Variants in EXD3 observed in about 807,000 individuals in gnomAD.
EXD3 encodes exonuclease 3'-5' domain containing 3.
EXD3 carries 92 observed loss-of-function variants against 98.0 expected under a neutral mutation model. That is an observed-to-expected ratio of 0.94 (90% CI 0.79 to 1.12). The LOEUF (loss-of-function observed/expected upper bound fraction) is 1.12. Ranked by LOEUF, EXD3 falls within the 50% of genes most tolerant of loss-of-function variation. The pLI, the probability that EXD3 is intolerant of heterozygous loss-of-function variation, is 0.00. For missense variants in EXD3, 1,222 were observed against 1,191.6 expected, an observed-to-expected ratio of 1.03 and a Z score of -0.38; for synonymous variants, 569 against 526.0, an observed-to-expected ratio of 1.08 and a Z score of -1.12.
At chr9:137,352,526 C>T in intron 11 of EXD3, 94 bp downstream of exon 11, 1 of 1,228,732 alleles carries the variant, frequency 8.1e-7, no homozygotes. Context: ...ATTCTCAAGC[C>T]ACTGGCGTGA....
intron 19 of EXD3, among the ~76,000 whole-genome samples, 179 bp downstream of exon 19, chr9:137,323,546 C>T (rs1393620532): frequency 9.5e-6 from 1 of 104,920 alleles, no homozygotes; most frequent in African/African-American, 5.2e-5. Flanking sequence ...TCTGCCGACA[C>T]CTCACCCCGG....
intron 19 of EXD3, among the ~76,000 whole-genome samples, chr9:137,320,388 G>A (rs1471649296): frequency 6.6e-6 from 1 of 152,186 alleles, no homozygotes; most frequent in African/African-American, 2.4e-5. Flanking sequence ...GACAGCTGGC[G>A]CTGCCCTCTC....
chr9:137,334,480 A>C (rs1184052908), intron 17 of EXD3, among the ~76,000 whole-genome samples: 1 of 152,204 alleles, frequency 6.6e-6, no homozygotes, highest in East Asian at 1.9e-4. Flanking sequence ...CATCCGTTGG[A>C]GAAAAAGACA....
chr9:137,332,565 CA>C (rs1833127509), intron 17 of EXD3, among the ~76,000 whole-genome samples: 2 of 146,236 alleles, frequency 1.4e-5, no homozygotes, highest in African/African-American at 2.6e-5. Context: ...TGGTATTGGC[CA>C]GGCGCAGTGG....
intron 17 of EXD3, chr9:137,345,838 C>T (rs1190540647): frequency 2.0e-5 from 3 of 151,998 alleles, no homozygotes; most frequent in Non-Finnish European, 2.9e-5. Context: ...ATGTGAACAC[C>T]TGTCTAGAAC....
intron 1 of EXD3, among the ~76,000 whole-genome samples, chr9:137,404,760 T>A: frequency 6.6e-6 from 1 of 151,808 alleles, no homozygotes; most frequent in Admixed American, 6.6e-5. Context: ...CTTGGGAGGC[T>A]GAGGCAGGAG....
chr9:137,353,613 C>T (rs1179193577), intron 10 of EXD3: 2 of 985,904 alleles, frequency 2.0e-6, no homozygotes, highest in African/African-American at 3.5e-5. Flanking sequence ...GCCACCGTGG[C>T]AGCGCCCAGC....
rs751756309 is a variant in EXD3 at position 137,354,386 on chromosome 9, G to A, written c.832-9C>T. On this transcript the variant is annotated splice_polypyrimidine_tract_variant and intron_variant, in intron 9 of 21. Transcript: ENST00000340951. ...TCCTGTGACAGGCTCTTCTGCAAAG[G>A]CAAACAGGAAGGGGCGGTTGCCAGG... is the stretch of plus-strand genomic sequence containing the variant. 13 of 1,612,294 alleles carry A rather than the reference G, an allele frequency of 8.1e-6. No homozygotes were observed. In the East Asian group the frequency reaches 8.9e-5, roughly 11 times the overall value.
chr9:137,422,050 C>T (rs946698732), intron 1 of EXD3, among the ~76,000 whole-genome samples: 1 of 148,686 alleles, frequency 6.7e-6, no homozygotes, highest in Non-Finnish European at 1.5e-5. Context: ...AAATTAATGA[C>T]TTCACTGAGA....
chr9:137,354,773 G>A lies in EXD3; in HGVS notation c.758C>T (p.Ala253Val), dbSNP rs751957112. Residue 253 changes from alanine (A) to valine (V), a missense_variant and splice_region_variant, in exon 9 of 22, where the codon GCG becomes GTG. Transcript: ENST00000340951. ...CTGAATGGCCGCGTTGGGACACAGC[G>A]CTGAAAGGAAAGGCCAGCTCAGCAC... ...RLQERYGVAP[A>V]LCPNAAIQQR... 2.2e-5 allele frequency: 35 copies of A among 1,608,856 alleles called. No individual in the cohort carries two copies. The highest frequency in any genetic ancestry group is 1.2e-4 in the Admixed American group (7 of 59,862).
chr9:137,408,341 G>A (rs939761726), intron 1 of EXD3, among the ~76,000 whole-genome samples: 3 of 151,974 alleles, frequency 2.0e-5, no homozygotes, highest in South Asian at 2.1e-4. Context: ...GAGGTCAGGA[G>A]ATCGAGACCA....
chr9:137,383,522 T>G, intron 2 of EXD3, 145 bp from the exon 3 acceptor site: 1 of 595,584 alleles, frequency 1.7e-6, no homozygotes, highest in Non-Finnish European at 3.0e-6. Flanking sequence ...CACCTCTGTC[T>G]GGCACACACA....
rs1833997600 is a variant in EXD3 at position 137,347,526 on chromosome 9, C to G, written c.1998+545G>C. On this transcript the variant is annotated intron_variant, in intron 17 of 21. Transcript: ENST00000340951. The surrounding 1 kb of genome is among the most constrained non-coding windows in gnomAD (Gnocchi z 4.2). ...TGGCGTGATCTCAGCTCACTGTAACCTCTGCCTCCGGTGTTTAAGCGATTC... is the reference window on the plus strand; with the variant it reads ...TGGCGTGATCTCAGCTCACTGTAACGTCTGCCTCCGGTGTTTAAGCGATTC... Among the ~76,000 whole-genome samples, 1 of 152,032 alleles carries G rather than the reference C, an allele frequency of 6.6e-6. No individual in the cohort carries two copies. Among genetic ancestry groups the G allele is most frequent in the South Asian group, 2.1e-4 (1 of 4,824 alleles).
intron 3 of EXD3, chr9:137,376,933 A>C (rs1382534272): frequency 6.6e-6 from 1 of 151,308 alleles, no homozygotes; most frequent in East Asian, 1.9e-4. Context: ...CCATCTCAAA[A>C]AAAAAAAAAA....
chr9:137,307,321 T>C (rs527789555), intron 21 of EXD3, 58 bp from the exon 22 acceptor site: 1 of 1,443,128 alleles, frequency 6.9e-7, no homozygotes, highest in African/African-American at 1.4e-5. Context: ...GCCCCCAGGC[T>C]GCTCCCAGAG....
Position 137,394,947 on chromosome 9 carries a change from C to G in EXD3, c.55+356G>C, listed in dbSNP as rs976047828. ...GCCCCCAAGGGTGTTCCGGGCCCTC[C>G]GCCTGGCTCCCCGAGGGACAGAGGG... On this transcript the variant is annotated intron_variant, in intron 2 of 21. Transcript: ENST00000340951. Among the ~76,000 whole-genome samples the G allele has an allele frequency of 3.9e-5, 6 of 152,116 alleles. 1 individual carries two copies. Among genetic ancestry groups the G allele is most frequent in the African/African-American group, 1.4e-4 (6 of 41,432 alleles).
chr9:137,313,142 G>C (rs1831456218), intron 19 of EXD3, among the ~76,000 whole-genome samples: 1 of 152,184 alleles, frequency 6.6e-6, no homozygotes, highest in African/African-American at 2.4e-5. Flanking sequence ...CAAGTCGGAG[G>C]CTTGAGGGAA....
chr9:137,415,792 G>T (rs1838205611), intron 1 of EXD3, among the ~76,000 whole-genome samples: 1 of 152,206 alleles, frequency 6.6e-6, no homozygotes, highest in Admixed American at 6.5e-5. Flanking sequence ...TCTGATGAAT[G>T]ATAAACAGCA....
intron 19 of EXD3, among the ~76,000 whole-genome samples, chr9:137,310,980 C>T (rs1473253701): frequency 2.0e-5 from 3 of 152,210 alleles, no homozygotes; most frequent in Non-Finnish European, 4.4e-5. Context: ...GCCTCGAGGC[C>T]CCTGGAGCCT....
Sources: gnomAD v4.1 joint callset for allele counts (sites outside exome capture counted in the v4.1 genomes callset) on GRCh38, gnomAD v4.1.1 for gene constraint, Gnocchi (gnomAD v3.1) non-coding constraint, MANE v1.5 for transcripts, NCBI Gene and HGNC (gene_info 2026-07-23, HGNC 2026-07-21) for gene names.